Variants in NEXMIF observed in about 807,000 individuals in gnomAD.
The protein encoded by NEXMIF is XLMR protein related to neurite extension.
Under a neutral mutation model 62.1 loss-of-function variants are expected in NEXMIF, and 8 were observed. That is an observed-to-expected ratio of 0.13 (90% confidence interval 0.08 to 0.23). The LOEUF is 0.23. Ranked by LOEUF, NEXMIF falls within the 10% of genes least tolerant of loss-of-function variation. The pLI is 1.00. For missense variants in NEXMIF, 976 were observed against 1,113.3 expected, an observed-to-expected ratio of 0.88 and a Z score of 1.75; for synonymous variants, 404 against 416.6, an observed-to-expected ratio of 0.97 and a Z score of 0.37.
intron 1 of NEXMIF, among the ~76,000 whole-genome samples, chrX:74,809,021 C>T (rs1043670523): frequency 9.0e-6 from 1 of 111,589 alleles, no homozygotes; most frequent in Non-Finnish European, 1.9e-5. Context: ...TGGATTAGTG[C>T]TGTTATAAAA....
chrX:74,899,604 T>G (rs1281377336), intron 1 of NEXMIF, among the ~76,000 whole-genome samples: 1 of 112,019 alleles, frequency 8.9e-6, no homozygotes, highest in African/African-American at 3.2e-5. Flanking sequence ...TAGGAAGATA[T>G]CCCATGTTCA....
At chrX:74,885,338 A>C (rs1338270575) in intron 1 of NEXMIF, among the ~76,000 whole-genome samples, 1 of 111,981 alleles carries the variant, frequency 8.9e-6, no homozygotes, top group Non-Finnish European at 1.9e-5. Context: ...AAACCCTTCA[A>C]AAAATCAGTG....
chrX:74,848,401 A>G (rs1335363568), intron 1 of NEXMIF, among the ~76,000 whole-genome samples: 2 of 112,559 alleles, frequency 1.8e-5, no homozygotes, highest in Non-Finnish European at 3.8e-5. Context: ...AATTACAACA[A>G]AGTCAGTGGC....
chrX:74,794,234 C>T (rs969840296), intron 1 of NEXMIF, among the ~76,000 whole-genome samples: 11 of 109,374 alleles, frequency 1.0e-4, no homozygotes, highest in Admixed American at 2.0e-4. Flanking sequence ...AATACCCTGC[C>T]GTGTGAGGTG....
At chrX:74,870,089 A>G (rs2080594948) in intron 1 of NEXMIF, among the ~76,000 whole-genome samples, 1 of 111,695 alleles carries the variant, frequency 9.0e-6, no homozygotes, top group Admixed American at 9.6e-5. Context: ...GAGCTATAGT[A>G]ACCAAAAGAG....
chrX:74,915,398 T>C, intron 1 of NEXMIF, among the ~76,000 whole-genome samples: 1 of 112,513 alleles, frequency 8.9e-6, no homozygotes, highest in South Asian at 3.7e-4. Flanking sequence ...GGCCTCTCTG[T>C]CCTTGCAACT....
At chrX:74,845,301 C>T (rs1043241401) in intron 1 of NEXMIF, among the ~76,000 whole-genome samples, 1 of 111,273 alleles carries the variant, frequency 9.0e-6, no homozygotes, top group Non-Finnish European at 1.9e-5. Context: ...TGTTGTTTAC[C>T]CTTTTTAGAA....
At chrX:74,887,157 G>C (rs1357429341) in intron 1 of NEXMIF, among the ~76,000 whole-genome samples, 1 of 112,271 alleles carries the variant, frequency 8.9e-6, no homozygotes, top group South Asian at 3.7e-4. Flanking sequence ...ATTCAAGATG[G>C]ATTAAAGACT....
intron 1 of NEXMIF, among the ~76,000 whole-genome samples, chrX:74,803,473 C>A (rs1420195754): frequency 1.8e-5 from 2 of 110,862 alleles, no homozygotes; most frequent in African/African-American, 6.6e-5. Context: ...GAGGGTGAGG[C>A]AGGAGAACGA....
intron 1 of NEXMIF, among the ~76,000 whole-genome samples, chrX:74,883,174 C>G (rs1439772429): frequency 9.0e-6 from 1 of 111,194 alleles, no homozygotes; most frequent in Non-Finnish European, 1.9e-5. Flanking sequence ...AACAAAGGTA[C>G]ATAAAACCAC....
intron 1 of NEXMIF, among the ~76,000 whole-genome samples, chrX:74,753,394 A>T (rs1420292489): frequency 1.8e-5 from 2 of 111,550 alleles, no homozygotes; most frequent in African/African-American, 6.5e-5. Context: ...ACATTCTTGG[A>T]TGTGGGATGT....
chrX:74,884,882 C>G (rs960282340), intron 1 of NEXMIF, among the ~76,000 whole-genome samples: 1 of 111,520 alleles, frequency 9.0e-6, no homozygotes, highest in Non-Finnish European at 1.9e-5. Context: ...CCAAAACTGA[C>G]CACATTCTTG....
At chrX:74,821,508 C>T (rs1308973976) in intron 1 of NEXMIF, among the ~76,000 whole-genome samples, 2 of 111,669 alleles carry the variant, frequency 1.8e-5, no homozygotes, top group Non-Finnish European at 3.8e-5. Flanking sequence ...TTAGCACTAT[C>T]AGGTTTTCCA....
At chrX:74,751,003 G>A (rs373358310) in intron 1 of NEXMIF, among the ~76,000 whole-genome samples, 21 of 111,482 alleles carry the variant, frequency 1.9e-4, no homozygotes, top group African/African-American at 6.8e-4. Flanking sequence ...TGAGGTGGGC[G>A]AATTGCTTGA....
intron 1 of NEXMIF, among the ~76,000 whole-genome samples, chrX:74,920,087 T>C (rs1208192790): frequency 2.7e-5 from 3 of 111,802 alleles, no homozygotes; most frequent in South Asian, 7.6e-4. Flanking sequence ...AATAAACATA[T>C]GTGTGCATGT....
At chrX:74,913,382 A>G (rs757853260) in intron 1 of NEXMIF, among the ~76,000 whole-genome samples, 2 of 111,873 alleles carry the variant, frequency 1.8e-5, no homozygotes, top group African/African-American at 6.5e-5. Context: ...ATAGACGAGA[A>G]AAATGAACAG....
chrX:74,885,603 G>T (rs6607495), intron 1 of NEXMIF, among the ~76,000 whole-genome samples: 1 of 110,938 alleles, frequency 9.0e-6, no homozygotes, highest in East Asian at 2.9e-4. Context: ...CCAGGAAGAA[G>T]TTGAATCTCT....
At chrX:74,867,574 C>G (rs970782649) in intron 1 of NEXMIF, among the ~76,000 whole-genome samples, 1 of 112,217 alleles carries the variant, frequency 8.9e-6, no homozygotes, top group Non-Finnish European at 1.9e-5. Flanking sequence ...AGATAACTGG[C>G]TAGCCATGTG....
chrX:74,907,355 C>G (rs1161679621), intron 1 of NEXMIF, among the ~76,000 whole-genome samples: 1 of 86,935 alleles, frequency 1.2e-5, no homozygotes, highest in Non-Finnish European at 2.2e-5. Flanking sequence ...CGCCCCTTAC[C>G]TCACTGTTCA....
Sources: allele counts gnomAD v4.1 joint callset (sites outside exome capture counted in the v4.1 genomes callset), GRCh38; gene constraint gnomAD v4.1.1; transcripts MANE v1.5; gene names NCBI Gene and HGNC (gene_info 2026-07-23, HGNC 2026-07-21).